Variants in SPATA13 observed in about 807,000 individuals in gnomAD.
SPATA13 encodes spermatogenesis-associated protein 13.
A neutral mutation model predicts 104.0 loss-of-function variants in SPATA13; 50 were observed. That is an observed-to-expected ratio of 0.48 (90% CI 0.38 to 0.61). The LOEUF is 0.61. Ranked by LOEUF, SPATA13 falls within the 20% of genes least tolerant of loss-of-function variation. The pLI, the probability that SPATA13 is intolerant of heterozygous loss-of-function variation, is 0.00. For missense variants in SPATA13, 1,524 were observed against 1,690.6 expected (o/e 0.90, Z 1.73); for synonymous variants, 606 against 667.5 (o/e 0.91, Z 1.42).
At chr13:23,983,744 G>A (rs2137649378) in exon 2 of SPATA13, 1 of 230,240 alleles carries the variant, frequency 4.3e-6, no homozygotes, top group East Asian at 1.8e-4. Flanking sequence ...TTCAAACCTT[G>A]TCAAGCTCTG....
At chr13:24,270,512 A>G (rs1220401788) in intron 4 of SPATA13, among the ~76,000 whole-genome samples, 2 of 152,214 alleles carry the variant, frequency 1.3e-5, no homozygotes, top group Non-Finnish European at 2.9e-5. Flanking sequence ...TAAAAGCAGC[A>G]CACACCATTT....
intron 3 of SPATA13, among the ~76,000 whole-genome samples, chr13:24,101,939 A>G (rs1880269290): frequency 6.6e-6 from 1 of 152,244 alleles, no homozygotes; most frequent in South Asian, 2.1e-4. Flanking sequence ...GCTGCAACAC[A>G]CATGGGTGGG....
intron 3 of SPATA13, among the ~76,000 whole-genome samples, chr13:24,061,205 C>T (rs12584822): frequency 0.15 from 22,406 of 151,922 alleles, 1,803 homozygotes; most frequent in Middle Eastern, 0.19. Context: ...TGACTGTTAC[C>T]GAACTGTCAA....
rs1197210392 is a variant in SPATA13, at chr13:24,145,531, C to T, written c.-111-77288C>T. The stretch of plus-strand genomic sequence containing the variant: ...TGGTAACAGATGTAATGAAAGTACT[C>T]CAGGCCTCAGTAAGAAGAGTCAGAG... On this transcript the variant is annotated intron_variant, in intron 3 of 14. Coordinates refer to the SPATA13 transcript ENST00000424834. 5.3e-5 allele frequency among the ~76,000 whole-genome samples: 8 copies of T among 152,168 alleles called. No individual in the cohort carries two copies. The East Asian group carries it at 1.3e-3, about 26-fold the overall frequency.
chr13:24,189,641 A>ATAT (rs1869401306), intron 1 of SPATA13, among the ~76,000 whole-genome samples: 1 of 17,940 alleles, frequency 5.6e-5, no homozygotes, highest in Non-Finnish European at 2.1e-4. Flanking sequence ...ATATATATTT[A>ATAT]TATATATATT....
At chr13:24,181,823 G>T (rs1383614580) in intron 1 of SPATA13, among the ~76,000 whole-genome samples, 1 of 113,922 alleles carries the variant, frequency 8.8e-6, no homozygotes, top group Non-Finnish European at 1.9e-5. Flanking sequence ...ACTATAAAAA[G>T]TATAGTATAG....
At chr13:24,258,762 A>G (rs1462071224) in intron 4 of SPATA13, among the ~76,000 whole-genome samples, 4 of 152,246 alleles carry the variant, frequency 2.6e-5, no homozygotes, top group African/African-American at 4.8e-5. Flanking sequence ...TAAATCCAGC[A>G]TGCTACATTT....
At chr13:24,028,685 T>C (rs886953593) in intron 3 of SPATA13, among the ~76,000 whole-genome samples, 15 of 152,256 alleles carry the variant, frequency 9.9e-5, no homozygotes, top group African/African-American at 3.4e-4. Flanking sequence ...TTCACCTTAC[T>C]ATCTTTGTAT....
intron 1 of SPATA13, among the ~76,000 whole-genome samples, chr13:24,186,872 C>T (rs1869184940): frequency 6.6e-6 from 1 of 152,106 alleles, no homozygotes; most frequent in Non-Finnish European, 1.5e-5. Flanking sequence ...TCATGAAATT[C>T]CAATTGGTGA....
At chr13:24,267,282 T>C (rs1874341660) in intron 4 of SPATA13, among the ~76,000 whole-genome samples, 5 of 152,160 alleles carry the variant, frequency 3.3e-5, no homozygotes, top group Admixed American at 3.3e-4. Context: ...TCCAAGCTGG[T>C]GGGGACATAA....
chr13:24,213,034 C>A (rs1438167378), intron 1 of SPATA13, among the ~76,000 whole-genome samples: 1 of 152,238 alleles, frequency 6.6e-6, no homozygotes, highest in Non-Finnish European at 1.5e-5. Flanking sequence ...AGTGATGACA[C>A]CTGTGTGCTG....
At chr13:24,035,183 T>G (rs1877632286) in intron 3 of SPATA13, among the ~76,000 whole-genome samples, 1 of 152,246 alleles carries the variant, frequency 6.6e-6, no homozygotes, top group South Asian at 2.1e-4. Context: ...TGAGACAGTC[T>G]CACTCTTGTC....
At chr13:24,298,064 T>C (rs568016131) in intron 11 of SPATA13, among the ~76,000 whole-genome samples, 3 of 152,376 alleles carry the variant, frequency 2.0e-5, no homozygotes, top group South Asian at 2.1e-4. Flanking sequence ...TTGAGGCTTA[T>C]GGAACTGGCC....
Position 24,289,027 on chromosome 13 carries a change from C to CAGGAAT in SPATA13, c.2697_2702dup (p.Gly900_Met901insIleGly). 1.2e-6 allele frequency: 2 copies of CAGGAAT among 1,612,280 alleles called. No individual in the cohort carries two copies. Among genetic ancestry groups the CAGGAAT allele is most frequent in the Non-Finnish European group, 1.7e-6 (2 of 1,179,560 alleles). ...TATATCCGACAGTGCCGCAAGCACA[C>CAGGAAT]AGGAATGTTCACCGTTGCGCAGCTA... On this transcript the variant is annotated inframe_insertion, in exon 8 of 13. Coordinates refer to ENST00000382108, the MANE Select transcript of SPATA13 (RefSeq NM_001166271.3).
chr13:24,234,901 G>C (rs1443916560), intron 2 of SPATA13, among the ~76,000 whole-genome samples: 2 of 152,150 alleles, frequency 1.3e-5, no homozygotes, highest in African/African-American at 2.4e-5. Context: ...TTCTGTCCTA[G>C]TTTTATTGCT....
chr13:24,131,493 AAGACAAGTC>A (rs1356286650), intron 3 of SPATA13, among the ~76,000 whole-genome samples: 1 of 152,212 alleles, frequency 6.6e-6, no homozygotes, highest in Non-Finnish European at 1.5e-5. Context: ...ACTAGAAATC[AAGACAAGTC>A]AGATAAAAGG....
intron 2 of SPATA13, among the ~76,000 whole-genome samples, chr13:24,233,892 C>A (rs1593445514): frequency 2.7e-5 from 1 of 37,422 alleles, no homozygotes. Context: ...CTTAAACACA[C>A]ACACACACAC....
chr13:24,123,435 C>T, intron 3 of SPATA13: 1 of 1,416,288 alleles, frequency 7.1e-7, no homozygotes, highest in Non-Finnish European at 1.0e-6. Flanking sequence ...CTGCAACATG[C>T]ATTCCATCTG....
chr13:24,101,216 C>A (rs1880247328), intron 3 of SPATA13, among the ~76,000 whole-genome samples: 1 of 152,226 alleles, frequency 6.6e-6, no homozygotes, highest in Non-Finnish European at 1.5e-5. Flanking sequence ...TCTTCTCTTT[C>A]TCGCCACACA....
Sources: gnomAD v4.1 joint callset for allele counts (sites outside exome capture counted in the v4.1 genomes callset) on GRCh38, gnomAD v4.1.1 for gene constraint, MANE v1.5 for transcripts, NCBI Gene and HGNC (gene_info 2026-07-23, HGNC 2026-07-21) for gene names.